Variants in DOCK5 observed in about 807,000 individuals in gnomAD.
DOCK5 encodes the protein dedicator of cytokinesis protein 5.
A neutral mutation model predicts 251.8 loss-of-function variants in DOCK5; 142 were observed. The observed-to-expected ratio is 0.56, with a 90% CI of 0.49 to 0.65. The LOEUF is 0.65. Ranked by LOEUF, DOCK5 falls within the 30% of genes least tolerant of loss-of-function variation. The probability of loss-of-function intolerance (pLI) is 0.00; values close to 1 mark genes in which losing one functional copy is unlikely to be tolerated. For synonymous variants in DOCK5, 842 were observed against 835.5 expected (o/e 1.01, Z -0.13); for missense variants, 2,111 against 2,312.3 (o/e 0.91, Z 1.79).
chr8:25,257,228 C>T (rs187664282), intron 2 of DOCK5, among the ~76,000 whole-genome samples: 49 of 152,254 alleles, frequency 3.2e-4, no homozygotes, highest in African/African-American at 8.9e-4. Context: ...GTGTACCTTC[C>T]GTGTCTGACA....
chr8:25,351,738 C>G lies in DOCK5; in HGVS notation c.2762C>G (p.Thr921Ser). 1 of 1,613,502 alleles carries G rather than the reference C, an allele frequency of 6.2e-7. No individual in the cohort carries two copies. Residue 921 changes from threonine (T) to serine (S), a missense_variant, in exon 27 of 52, where the codon ACT (threonine) becomes AGT (serine). Around this residue, in one of 3 missense-constraint regions of DOCK5, gnomAD observed 1,717 missense variants for 1,892.4 expected, o/e 0.91. Transcript: ENST00000276440. Reference sequence around the variant, plus strand: ...ATCCTGTGTTCCCTGCAGGGTGCCACTGCGGTGCACATTCAGCTTATAATG... The same window carrying G: ...ATCCTGTGTTCCCTGCAGGGTGCCAGTGCGGTGCACATTCAGCTTATAATG... Reference protein sequence around the residue: ...EVLDRKDVGATAVHIQLIMER... With the variant: ...EVLDRKDVGASAVHIQLIMER...
chr8:25,278,693 C>T (rs773958462), intron 5 of DOCK5, 28 bp downstream of exon 5: 1 of 1,606,756 alleles, frequency 6.2e-7, no homozygotes, highest in Admixed American at 1.7e-5. Flanking sequence ...GCTTGGAGCC[C>T]CAGGGTCACT....
chr8:25,399,869 A>C, intron 45 of DOCK5, 42 bp from the exon 46 acceptor site: 2 of 1,475,932 alleles, frequency 1.4e-6, no homozygotes, highest in Non-Finnish European at 1.9e-6. Context: ...CTGCACAGAT[A>C]GGAATGTGTT....
chr8:25,310,370 A>G lies in DOCK5; in HGVS notation c.1193-37A>G, dbSNP rs757884901. On this transcript the variant is annotated intron_variant, in intron 12 of 51. Transcript: ENST00000276440. ...GTTACGCATGTGTTTTATACATCAT[A>G]CAAAGAACTAAACGTTTATCTTTTA... 5.6e-5 allele frequency: 88 copies of G among 1,580,784 alleles called. 1 individual carries two copies. The highest frequency in any genetic ancestry group is 5.2e-4 in the South Asian group (45 of 86,166).
intron 2 of DOCK5, among the ~76,000 whole-genome samples, chr8:25,253,737 A>ATGAAAGAAT (rs1247633469): frequency 1.3e-5 from 2 of 152,252 alleles, no homozygotes; most frequent in African/African-American, 4.8e-5. Context: ...GCATATATTG[A>ATGAAAGAAT]TGAAAGAATT....
chr8:25,189,214 A>C (rs1354049104), intron 1 of DOCK5, among the ~76,000 whole-genome samples: 3 of 151,898 alleles, frequency 2.0e-5, no homozygotes, highest in African/African-American at 7.3e-5. Flanking sequence ...AAGTTTTAAA[A>C]TATTAAACTT....
rs556640043 is a variant in DOCK5 at position 25,353,079 on chromosome 8, G to A, written c.2850+1253G>A. ...CTAATAAGAATAAAGAGAAACGATT[G>A]CAAGTAAAACTGTCTTTCTGCTGGA... On this transcript the variant is annotated intron_variant, in intron 27 of 51. Coordinates refer to ENST00000276440, the MANE Select transcript of DOCK5 (RefSeq NM_024940.8). Among the ~76,000 whole-genome samples the A allele has an allele frequency of 2.0e-5, 3 of 152,298 alleles. No individual in the cohort carries two copies. The South Asian group carries it at 6.2e-4, about 32-fold the overall frequency.
intron 2 of DOCK5, among the ~76,000 whole-genome samples, chr8:25,266,148 T>C (rs1476548928): frequency 6.6e-6 from 1 of 151,850 alleles, no homozygotes; most frequent in African/African-American, 2.4e-5. Flanking sequence ...TCTGAGATCC[T>C]GCGGACCACT....
chr8:25,369,433 C>T, intron 33 of DOCK5, 123 bp from the exon 34 acceptor site: 1 of 721,726 alleles, frequency 1.4e-6, no homozygotes, highest in East Asian at 2.7e-5. Context: ...CCTCTGTGAT[C>T]CTCCCTGTCT....
intron 2 of DOCK5, among the ~76,000 whole-genome samples, chr8:25,257,930 T>C (rs145868120): frequency 1.6e-4 from 24 of 152,114 alleles, no homozygotes; most frequent in Non-Finnish European, 3.1e-4. Context: ...GCTAGAGAAA[T>C]GCACCACAGA....
Position 25,321,067 on chromosome 8 carries a change from G to A in DOCK5, c.1615+15G>A, listed in dbSNP as rs551980562. On this transcript the variant is annotated intron_variant, in intron 16 of 51. Coordinates refer to ENST00000276440, the MANE Select transcript of DOCK5 (RefSeq NM_024940.8). ...ATCTCAGGAAAGTAAGTATTAAGAC[G>A]TCTATGACATATTTCCACTTAAAAA... 27 of 1,609,398 alleles carry A rather than the reference G, an allele frequency of 1.7e-5. No homozygotes were observed. Among genetic ancestry groups the A allele is most frequent in the South Asian group, 8.8e-5 (8 of 90,548 alleles).
In DOCK5 at chr8:25,391,878, T is replaced by C. The variant is rs1586389745; in HGVS notation, c.4356-18T>C. 1 of 1,612,146 alleles carries C rather than the reference T, an allele frequency of 6.2e-7. No individual in the cohort carries two copies. The highest frequency in any genetic ancestry group is 1.7e-4 in the Middle Eastern group (1 of 6,056). On this transcript the variant is annotated intron_variant, in intron 42 of 51. Coordinates refer to ENST00000276440, the MANE Select transcript of DOCK5 (RefSeq NM_024940.8). ...GTTCTAAGAGAGAAAAATACAGCAT[T>C]GCTTTGTCCTTCTCCAGCTACTACA...
intron 1 of DOCK5, among the ~76,000 whole-genome samples, chr8:25,191,432 AT>A (rs757920938): frequency 2.4e-4 from 37 of 152,284 alleles, no homozygotes; most frequent in Non-Finnish European, 4.0e-4. Flanking sequence ...GAAAATATGT[AT>A]TTTTACAAAC....
At chr8:25,383,092 A>G (rs1801100150) in intron 40 of DOCK5, among the ~76,000 whole-genome samples, 1 of 152,194 alleles carries the variant, frequency 6.6e-6, no homozygotes, top group African/African-American at 2.4e-5. Context: ...TTCGTTGTTT[A>G]CCATGTTTCT....
At chr8:25,280,302 T>C (rs541841429) in intron 5 of DOCK5, among the ~76,000 whole-genome samples, 1 of 152,342 alleles carries the variant, frequency 6.6e-6, no homozygotes, top group East Asian at 1.9e-4. Flanking sequence ...CAATTTTTGT[T>C]CAGTCATGTG....
At chr8:25,185,503 T>C (rs928772158) in intron 1 of DOCK5, among the ~76,000 whole-genome samples, 3 of 151,946 alleles carry the variant, frequency 2.0e-5, no homozygotes, top group Admixed American at 1.3e-4. Context: ...GGATGGAAAC[T>C]AGAGTCGTGG....
At position 25,392,833 on chromosome 8, in the gene DOCK5, A is replaced by G. The variant is rs1476253933; in HGVS notation, c.4478A>G (p.Tyr1493Cys). 6.2e-7 allele frequency: 1 copy of G among 1,613,372 alleles called. No homozygotes were observed. Among genetic ancestry groups the G allele is most frequent in the South Asian group, 1.1e-5 (1 of 90,822 alleles). The change falls in exon 44 of 52, where the codon TAT becomes TGT. Residue 1493 changes from tyrosine to cysteine, a missense_variant. By Grantham distance (194) the Tyr-to-Cys change is radical. Around this residue, in one of 3 missense-constraint regions of DOCK5, gnomAD observed 1,717 missense variants for 1,892.4 expected, o/e 0.91. Coordinates refer to ENST00000276440, the MANE Select transcript of DOCK5 (RefSeq NM_024940.8). ...GAACGGACCACGTATACGACTGCATATACCTTTCCTGGGATTCTCAAGTGG... is the reference window on the plus strand; with the variant it reads ...GAACGGACCACGTATACGACTGCATGTACCTTTCCTGGGATTCTCAAGTGG... ...WIERTTYTTA[Y>C]TFPGILKWFE...
At chr8:25,247,374 A>G (rs1021518219) in intron 2 of DOCK5, among the ~76,000 whole-genome samples, 7 of 152,092 alleles carry the variant, frequency 4.6e-5, no homozygotes, top group Admixed American at 2.0e-4. Flanking sequence ...AGATGGGAGG[A>G]TCCCTTGAGG....
At chr8:25,329,736 G>A (rs575025234) in intron 18 of DOCK5, among the ~76,000 whole-genome samples, 1 of 152,182 alleles carries the variant, frequency 6.6e-6, no homozygotes, top group African/African-American at 2.4e-5. Flanking sequence ...AATTGCTTAT[G>A]ATAGCAAAAA....
Sources: allele counts gnomAD v4.1 joint callset (sites outside exome capture counted in the v4.1 genomes callset), GRCh38; gene constraint gnomAD v4.1.1; regional missense constraint gnomAD v4.1.1; transcripts MANE v1.5; gene names NCBI Gene and HGNC (gene_info 2026-07-23, HGNC 2026-07-21).